DENND2C: variants seen among roughly 807,000 people sequenced by gnomAD.
DENND2C encodes the protein DENN domain containing 2C.
DENND2C carries 72 observed loss-of-function variants against 112.4 expected under a neutral mutation model. That is an observed-to-expected ratio of 0.64 (90% confidence interval 0.53 to 0.78). The LOEUF (loss-of-function observed/expected upper bound fraction) is 0.78, where lower values mean the gene tolerates loss of function less well. DENND2C is among the 30% of genes least tolerant of loss of function. The probability of loss-of-function intolerance (pLI) is 0.00; values close to 1 mark genes in which losing one functional copy is unlikely to be tolerated. For synonymous variants in DENND2C, 329 were observed against 381.6 expected (o/e 0.86, Z 1.61); for missense variants, 992 against 1,113.8 (o/e 0.89, Z 1.56).
intron 9 of DENND2C, among the ~76,000 whole-genome samples, 160 bp downstream of exon 9, chr1:114,610,913 T>A (rs528725601): frequency 1.3e-5 from 2 of 152,316 alleles, no homozygotes; most frequent in African/African-American, 4.8e-5. Flanking sequence ...TAATTCTGAC[T>A]GTTTAATTCT....
intron 2 of DENND2C, among the ~76,000 whole-genome samples, chr1:114,645,957 C>T (rs1248091735): frequency 6.6e-6 from 1 of 151,348 alleles, no homozygotes; most frequent in Non-Finnish European, 1.5e-5. Context: ...GACAGAGTCT[C>T]GCTCTGTCGC....
rs143167338 is a variant in DENND2C at position 114,587,747 on chromosome 1, C to T, written c.2637G>A (p.Gln879=). 13 of 1,613,658 alleles carry T rather than the reference C, an allele frequency of 8.1e-6. No homozygotes were observed. Among genetic ancestry groups the T allele is most frequent in the Non-Finnish European group, 1.1e-5 (13 of 1,179,780 alleles). ...CTCCACTTTTCCGAAGCTCTCGGTC[C>T]TGGATGAATCCTGCAAACATCTGAG... is the stretch of plus-strand genomic sequence containing the variant. ...METQMFAGFI[Q]DRELRKSGVK... The change falls in exon 19 of 21, where the codon CAG becomes CAA. Residue 879 remains glutamine (Q), a synonymous_variant. Coordinates refer to ENST00000393274, the MANE Select transcript of DENND2C (RefSeq NM_001256404.2).
intron 19 of DENND2C, 119 bp downstream of exon 19, chr1:114,587,597 A>C: frequency 2.8e-6 from 4 of 1,415,470 alleles, no homozygotes; most frequent in Non-Finnish European, 3.9e-6. Context: ...AATAATTCTC[A>C]TAATAAACAA....
intron 1 of DENND2C, among the ~76,000 whole-genome samples, chr1:114,657,000 C>G (rs1212317894): frequency 6.6e-6 from 1 of 152,096 alleles, no homozygotes; most frequent in Admixed American, 6.5e-5. Flanking sequence ...ATCTGCCCAC[C>G]TTGGCCTCCC....
rs1655009740 is a variant in DENND2C, at chr1:114,585,248, C to A, written c.*352G>T. 1 of 257,368 alleles carries A rather than the reference C, an allele frequency of 3.9e-6. No individual in the cohort carries two copies. The highest frequency in any genetic ancestry group is 2.2e-5 in the African/African-American group (1 of 45,624). 15.9% of individuals were successfully genotyped at this position (257,368 alleles called of 1,614,324 possible). On this transcript the variant is annotated 3_prime_UTR_variant, in exon 21 of 21. Transcript: ENST00000393274. ...TCAGCATTTCTCTCATTATTCTCAT[C>A]TTTGAGCTATTTTTTAAATGTAACA...
At chr1:114,645,971 G>C (rs1333437164) in intron 2 of DENND2C, among the ~76,000 whole-genome samples, 5 of 151,528 alleles carry the variant, frequency 3.3e-5, no homozygotes, top group African/African-American at 1.2e-4. Context: ...CTGTCGCCCA[G>C]GCTGGAGTGC....
intron 1 of DENND2C, among the ~76,000 whole-genome samples, chr1:114,662,476 C>T (rs1657524457): frequency 6.6e-6 from 1 of 152,070 alleles, no homozygotes; most frequent in South Asian, 2.1e-4. Flanking sequence ...TCTCCATATC[C>T]TTTGTTGTAA....
intron 2 of DENND2C, among the ~76,000 whole-genome samples, chr1:114,652,492 C>T (rs576881600): frequency 6.6e-6 from 1 of 152,062 alleles, no homozygotes; most frequent in African/African-American, 2.4e-5. Context: ...CAATCATTTT[C>T]TGACCATTTG....
intron 1 of DENND2C, among the ~76,000 whole-genome samples, chr1:114,657,404 G>A (rs972105421): frequency 5.9e-5 from 9 of 152,106 alleles, no homozygotes; most frequent in Non-Finnish European, 1.2e-4. Flanking sequence ...GTAATCAAGC[G>A]TAAGTCAGTT....
At chr1:114,660,752 G>A (rs1657468665) in intron 1 of DENND2C, among the ~76,000 whole-genome samples, 1 of 152,072 alleles carries the variant, frequency 6.6e-6, no homozygotes, top group South Asian at 2.1e-4. Context: ...TTTAATTTCT[G>A]AGGATCAACA....
At position 114,583,974 on chromosome 1, in the gene DENND2C, A is replaced by G. The variant is rs542709949; in HGVS notation, c.*1626T>C. On this transcript the variant is annotated 3_prime_UTR_variant, in exon 21 of 21. Transcript: ENST00000393274. ...TGGTATATGTTCAAGGAATGTTCAT[A>G]TTTTGAGTCTAATTTAATTAGAGCA... 1 of 152,318 alleles carries G rather than the reference A, an allele frequency of 6.6e-6. No homozygotes were observed. Among genetic ancestry groups the G allele is most frequent in the East Asian group, 1.9e-4 (1 of 5,184 alleles). 9.4% of individuals were successfully genotyped at this position (152,318 alleles called of 1,614,324 possible). A position where few individuals can be genotyped will look rare whatever the true frequency, so the allele number is the denominator to read the frequency against.
At chr1:114,590,550 G>A (rs1289487163) in intron 18 of DENND2C, among the ~76,000 whole-genome samples, 4 of 151,708 alleles carry the variant, frequency 2.6e-5, no homozygotes, top group East Asian at 1.9e-4. Context: ...AGGCTGAGGC[G>A]GGCGGATCAC....
In DENND2C at chr1:114,666,343, T is replaced by C. The variant is rs138623304; in HGVS notation, c.-574+3640A>G. On this transcript the variant is annotated intron_variant, in intron 1 of 20. Coordinates refer to ENST00000393274, the MANE Select transcript of DENND2C (RefSeq NM_001256404.2). ...AGCTTATCTTTCCTAAACACCTATA[T>C]CTAAAATCCTTCACTGGCTCTCCAT... Among the ~76,000 whole-genome samples the C allele has an allele frequency of 5.2e-3, 794 of 152,342 alleles. 7 individuals are homozygous for C. Among genetic ancestry groups the C allele is most frequent in the Non-Finnish European group, 8.8e-3 (602 of 68,032 alleles).
At chr1:114,636,394 A>G (rs1656656595) in intron 3 of DENND2C, among the ~76,000 whole-genome samples, 1 of 152,190 alleles carries the variant, frequency 6.6e-6, no homozygotes. Flanking sequence ...GGCCAGGTGC[A>G]GTGGCTCATG....
intron 3 of DENND2C, among the ~76,000 whole-genome samples, chr1:114,633,770 T>C (rs945974314): frequency 2.0e-5 from 3 of 152,126 alleles, no homozygotes; most frequent in Non-Finnish European, 2.9e-5. Flanking sequence ...AATAGCAAGA[T>C]GGTACACTTA....
intron 18 of DENND2C, among the ~76,000 whole-genome samples, chr1:114,591,859 ATTTATTATTATTATTATTATT>A (rs1374652574): frequency 3.8e-4 from 54 of 141,228 alleles, no homozygotes; most frequent in Non-Finnish European, 1.6e-5. Context: ...TCCTAGTATC[ATTTATTATTATTATTATTATT>A]TTTATTATTA....
chr1:114,593,325 C>G (rs536246097), intron 18 of DENND2C, among the ~76,000 whole-genome samples: 1 of 152,352 alleles, frequency 6.6e-6, no homozygotes, highest in East Asian at 1.9e-4. Flanking sequence ...ATACGATCAT[C>G]TCATCTGGTC....
rs531005235 is a variant in DENND2C, at chr1:114,611,390, T to C, written c.1325-273A>G. ...TCCCTAATTCTAGAAACTAATTGCA[T>C]TTCAGACCAGTTTTAAGAGTCTAGT... On this transcript the variant is annotated intron_variant, in intron 8 of 20. Coordinates refer to ENST00000393274, the MANE Select transcript of DENND2C (RefSeq NM_001256404.2). Among the ~76,000 whole-genome samples the C allele has an allele frequency of 2.9e-4, 32 of 109,824 alleles. 1 individual carries two copies. In the South Asian group the frequency reaches 8.5e-3, roughly 29 times the overall value. 72.0% of individuals were successfully genotyped at this position (109,824 alleles called of 152,430 possible).
Position 114,622,032 on chromosome 1 carries a change from T to A in DENND2C, c.1090A>T (p.Thr364Ser). 1 of 1,548,076 alleles carries A rather than the reference T, an allele frequency of 6.5e-7. No homozygotes were observed. Among genetic ancestry groups the A allele is most frequent in the Non-Finnish European group, 8.7e-7 (1 of 1,146,204 alleles). Residue 364 changes from threonine (T) to serine (S), a missense_variant, in exon 7 of 21, where the codon ACT becomes TCT. By Grantham distance (58) the Thr-to-Ser change is moderately conservative. Around this residue, in one of 3 missense-constraint regions of DENND2C, gnomAD observed 470 missense variants for 472.7 expected, o/e 0.99. Coordinates refer to ENST00000393274, the MANE Select transcript of DENND2C (RefSeq NM_001256404.2). ...PPKPQFLHRK[T>S]MEVKNSQAYL... ...GCCTGTGAGTTCTTTACTTCCATAG[T>A]CTTCCGGTGAAGGAACTGAGGTTTT...
Sources: gnomAD v4.1 joint callset for allele counts (sites outside exome capture counted in the v4.1 genomes callset) on GRCh38, gnomAD v4.1.1 for gene constraint, gnomAD v4.1.1 regional missense constraint, MANE v1.5 for transcripts, NCBI Gene and HGNC (gene_info 2026-07-23, HGNC 2026-07-21) for gene names.